Variants in CAPN9 observed in about 807,000 individuals in gnomAD.
The protein encoded by CAPN9 is calpain-9.
Under a neutral mutation model 92.8 loss-of-function variants are expected in CAPN9, and 81 were observed. The observed-to-expected ratio is 0.87, with a 90% CI of 0.73 to 1.05. The LOEUF (loss-of-function observed/expected upper bound fraction) is 1.05. Ranked by LOEUF, CAPN9 falls within the 50% of genes least tolerant of loss-of-function variation. The pLI is 0.00. For synonymous variants in CAPN9, 304 were observed against 328.0 expected, an observed-to-expected ratio of 0.93 and a Z score of 0.79; for missense variants, 848 against 866.2, an observed-to-expected ratio of 0.98 and a Z score of 0.26.
chr1:230,787,054 G>T (rs1667639475), intron 12 of CAPN9, among the ~76,000 whole-genome samples: 2 of 152,182 alleles, frequency 1.3e-5, no homozygotes, highest in South Asian at 4.1e-4. Flanking sequence ...AAAAACCAAA[G>T]AAACCAAAAA....
intron 2 of CAPN9, among the ~76,000 whole-genome samples, chr1:230,757,860 A>G (rs1383383073): frequency 6.6e-6 from 1 of 151,906 alleles, no homozygotes; most frequent in African/African-American, 2.4e-5. Flanking sequence ...CTGGATCAAG[A>G]GCGACTGCAG....
At chr1:230,758,148 A>T (rs1225970232) in intron 2 of CAPN9, among the ~76,000 whole-genome samples, 2 of 152,096 alleles carry the variant, frequency 1.3e-5, no homozygotes, top group African/African-American at 4.8e-5. Flanking sequence ...AAAACACGTG[A>T]GGTGTTGAGT....
chr1:230,778,988 C>T lies in CAPN9; in HGVS notation c.969C>T (p.Asp323=). ...TTTGCTGCAGGATGGCATTTAAGGA[C>T]TTCAAGGCCCACTTTGATAAAGTGG... The part of the protein sequence containing the change: ...DDGEFWMAFK[D]FKAHFDKVEI... The change falls in exon 9 of 20, where the codon GAC becomes GAT. Residue 323 remains aspartate (D), a synonymous_variant. Transcript: ENST00000271971. 2 of 1,613,776 alleles carry T rather than the reference C, an allele frequency of 1.2e-6. No homozygotes were observed. Among genetic ancestry groups the T allele is most frequent in the Non-Finnish European group, 1.7e-6 (2 of 1,179,898 alleles).
intron 8 of CAPN9, 112 bp downstream of exon 8, chr1:230,774,743 T>TTTCTTTC (rs1553260384): frequency 0.048 from 21,163 of 440,210 alleles, 144 homozygotes; most frequent in South Asian, 0.13. Flanking sequence ...TTCTTTCTTT[T>TTTCTTTC]TTTTTTTTTT....
At chr1:230,792,009 C>T in intron 15 of CAPN9, 81 bp downstream of exon 15, 1 of 997,216 alleles carries the variant, frequency 1.0e-6, no homozygotes, top group Non-Finnish European at 1.6e-6. Context: ...ATAGTGCAGA[C>T]TCTCCAAGAA....
At chr1:230,794,999 G>T in intron 17 of CAPN9, 164 bp from the exon 18 acceptor site, 1 of 605,810 alleles carries the variant, frequency 1.7e-6, no homozygotes, top group South Asian at 1.9e-5. Flanking sequence ...TTCACACCAA[G>T]GGCAGCAGTC....
chr1:230,769,942 A>G (rs28741091), intron 6 of CAPN9, among the ~76,000 whole-genome samples: 1,782 of 152,318 alleles, frequency 0.012, 32 homozygotes, highest in African/African-American at 0.041. Context: ...AGTATATAAT[A>G]TAAATAATTA....
chr1:230,782,134 G>A (rs1007795839), intron 11 of CAPN9, among the ~76,000 whole-genome samples: 2 of 152,200 alleles, frequency 1.3e-5, no homozygotes, highest in East Asian at 3.9e-4. Flanking sequence ...TTAGTGGGGT[G>A]AGCTCAGAGT....
intron 6 of CAPN9, among the ~76,000 whole-genome samples, chr1:230,771,368 G>A (rs540197971): frequency 5.1e-4 from 78 of 152,344 alleles, no homozygotes; most frequent in African/African-American, 1.5e-3. Context: ...AAATGCATTG[G>A]CCCTTGTCCC....
chr1:230,790,679 G>A (rs373865058), intron 14 of CAPN9, among the ~76,000 whole-genome samples: 12 of 152,112 alleles, frequency 7.9e-5, no homozygotes, highest in African/African-American at 1.4e-4. Flanking sequence ...GGTGGCTCAC[G>A]CCTGTAATCC....
rs1276380773 is a variant in CAPN9 at position 230,759,596 on chromosome 1, T to C, written c.368T>C (p.Phe123Ser). The change falls in exon 3 of 20, where the codon TTT becomes TCT. Residue 123 changes from phenylalanine (F) to serine (S), a missense_variant. By Grantham distance (155) the Phe-to-Ser change is radical. Transcript: ENST00000271971. ...AGAGTCATCCCCCAGGACCAAAGCT[T>C]TGGCCCTGGTTATGCCGGGATATTC... The part of the protein sequence containing the change: ...LARVIPQDQS[F>S]GPGYAGIFHF... The C allele has an allele frequency of 1.9e-6, 3 of 1,607,970 alleles. No individual in the cohort carries two copies. The highest frequency in any genetic ancestry group is 2.5e-6 in the Non-Finnish European group (3 of 1,177,806).
In CAPN9 at chr1:230,796,748, G is replaced by T. The variant is rs142905382; in HGVS notation, c.1988-1414G>T. On this transcript the variant is annotated intron_variant, in intron 18 of 19. Transcript: ENST00000271971. ...GCTGACCCTAGAAATAATGAGATTT[G>T]CTAGTTTCTCTTCTCTCCATTGCTC... is the stretch of plus-strand genomic sequence containing the variant. Among the ~76,000 whole-genome samples, 202 of 152,276 alleles carry T rather than the reference G, an allele frequency of 1.3e-3. 1 individual carries two copies. The highest frequency in any genetic ancestry group is 4.4e-3 in the African/African-American group (184 of 41,552).
chr1:230,747,469 A>G lies in CAPN9; in HGVS notation c.-28A>G, dbSNP rs1352639698. 4 of 1,598,776 alleles carry G rather than the reference A, an allele frequency of 2.5e-6. No individual in the cohort carries two copies. Among genetic ancestry groups the G allele is most frequent in the South Asian group, 1.1e-5 (1 of 90,778 alleles). On this transcript the variant is annotated 5_prime_UTR_variant, in exon 1 of 20. Coordinates refer to ENST00000271971, the MANE Select transcript of CAPN9 (RefSeq NM_006615.3). ...CACTTTCTTTTCCATCCACTGCCGG[A>G]CCCAAGCCAGCCTTCCAGGGAGCAG...
intron 8 of CAPN9, 106 bp from the exon 9 acceptor site, chr1:230,778,867 G>T: frequency 9.2e-7 from 1 of 1,085,162 alleles, no homozygotes. Flanking sequence ...CTTGCGGACA[G>T]GAACAAGATG....
At chr1:230,794,761 C>T (rs12239760) in intron 17 of CAPN9, among the ~76,000 whole-genome samples, 1,560 of 152,288 alleles carry the variant, frequency 0.01, 26 homozygotes, top group African/African-American at 0.035. Flanking sequence ...AGACATAGAA[C>T]GCGAGGGGAG....
chr1:230,800,999 G>GA (rs1558125020), intron 19 of CAPN9, among the ~76,000 whole-genome samples: 1 of 152,098 alleles, frequency 6.6e-6, no homozygotes, highest in African/African-American at 2.4e-5. Context: ...AGAGAAGGGA[G>GA]AAAAAAACCA....
chr1:230,747,909 C>T (rs1424500897), intron 1 of CAPN9, among the ~76,000 whole-genome samples, 200 bp downstream of exon 1: 2 of 152,084 alleles, frequency 1.3e-5, no homozygotes, highest in Non-Finnish European at 2.9e-5. Context: ...CGGTGGGGAC[C>T]CGGGGCATCT....
At chr1:230,790,220 C>A (rs767817288) in intron 14 of CAPN9, 31 bp downstream of exon 14, 69 of 1,613,146 alleles carry the variant, frequency 4.3e-5, no homozygotes, top group Non-Finnish European at 5.5e-5. Context: ...GGTCCTGGGG[C>A]ACCTATGGAG....
rs560301555 is a variant in CAPN9, at chr1:230,789,338, T to C, written c.1600-794T>C. On this transcript the variant is annotated intron_variant, in intron 13 of 19. Transcript: ENST00000271971. ...TGCAAAAATAATCAGCCCAGCATGG[T>C]GGTGCATGCCTATAGTCCCAGCTAC... Among the ~76,000 whole-genome samples the C allele has an allele frequency of 5.3e-5, 8 of 151,968 alleles. No homozygotes were observed. The East Asian group carries it at 1.4e-3, about 26-fold the overall frequency.
Sources: allele counts gnomAD v4.1 joint callset (sites outside exome capture counted in the v4.1 genomes callset), GRCh38; gene constraint gnomAD v4.1.1; transcripts MANE v1.5; gene names NCBI Gene and HGNC (gene_info 2026-07-23, HGNC 2026-07-21).